The following DUS4L variants were observed in gnomAD, a reference collection of about 807,000 sequenced individuals.
The protein encoded by DUS4L is dihydrouridine synthase 4 like, also known as tRNA-dihydrouridine(20a/20b) synthase [NAD(P)+]-like.
In DUS4L, 31 loss-of-function variants were observed where a neutral mutation model predicts 33.8. The ratio of observed to expected loss-of-function variants is 0.92; its 90% CI spans 0.69 to 1.24. The LOEUF (loss-of-function observed/expected upper bound fraction) is 1.24, where lower values mean the gene tolerates loss of function less well. Among genes scored for constraint, DUS4L ranks in the 50% most tolerant of loss-of-function variants. The pLI, the probability that DUS4L is intolerant of heterozygous loss-of-function variation, is 0.00. For missense variants in DUS4L, 368 were observed against 388.6 expected, an observed-to-expected ratio of 0.95 and a Z score of 0.45; for synonymous variants, 103 against 120.3, an observed-to-expected ratio of 0.86 and a Z score of 0.94.
chr7:107,577,184 A>C, intron 7 of DUS4L, 129 bp from the exon 8 acceptor site: 1 of 1,274,028 alleles, frequency 7.8e-7, no homozygotes, highest in Non-Finnish European at 1.1e-6. Flanking sequence ...TAAACATATT[A>C]ATGCAATAAA....
At chr7:107,575,166 T>G (rs373377019) in intron 5 of DUS4L, 22 bp from the exon 6 acceptor site, 15 of 1,606,600 alleles carry the variant, frequency 9.3e-6, no homozygotes, top group Non-Finnish European at 1.3e-5. Flanking sequence ...AATTCACTTG[T>G]TCATGTGTTT....
At chr7:107,566,775 C>T (rs900264890) in intron 2 of DUS4L, among the ~76,000 whole-genome samples, 1 of 150,024 alleles carries the variant, frequency 6.7e-6, no homozygotes, top group Non-Finnish European at 1.5e-5. Flanking sequence ...TGAAAACTTA[C>T]AACATGGTAA....
chr7:107,574,295 G>T (rs1383867472), intron 5 of DUS4L, among the ~76,000 whole-genome samples: 1 of 149,356 alleles, frequency 6.7e-6, no homozygotes, highest in African/African-American at 2.5e-5. Context: ...ACTTGTTTGG[G>T]TTTAAATAAC....
intron 3 of DUS4L, among the ~76,000 whole-genome samples, chr7:107,569,234 T>C (rs1804980577): frequency 6.6e-6 from 1 of 152,158 alleles, no homozygotes; most frequent in Non-Finnish European, 1.5e-5. Flanking sequence ...AAAGGCTATC[T>C]CTCCGCTAAT....
intron 2 of DUS4L, among the ~76,000 whole-genome samples, chr7:107,565,427 G>C (rs1260950998): frequency 6.6e-6 from 1 of 152,194 alleles, no homozygotes; most frequent in Non-Finnish European, 1.5e-5. Context: ...CCTGAGCCCA[G>C]ACGTTTGGAT....
chr7:107,567,514 G>A (rs1456015710), intron 3 of DUS4L, among the ~76,000 whole-genome samples: 1 of 152,110 alleles, frequency 6.6e-6, no homozygotes, highest in African/African-American at 2.4e-5. Context: ...ACAAATAGGA[G>A]TGCAATTATG....
At chr7:107,573,099 T>C (rs1805410228) in intron 4 of DUS4L, among the ~76,000 whole-genome samples, 1 of 152,196 alleles carries the variant, frequency 6.6e-6, no homozygotes, top group Non-Finnish European at 1.5e-5. Context: ...AAACAAGAAC[T>C]TTTATCCATA....
chr7:107,572,148 C>T (rs535838702), intron 4 of DUS4L, among the ~76,000 whole-genome samples: 126 of 151,814 alleles, frequency 8.3e-4, no homozygotes, highest in African/African-American at 3.0e-3. Flanking sequence ...CCATTAGGTT[C>T]GGCCTCCTTG....
chr7:107,574,950 A>G (rs535487386), intron 5 of DUS4L: 1 of 513,594 alleles, frequency 1.9e-6, no homozygotes, highest in East Asian at 4.3e-5. Flanking sequence ...ATGACTTTTA[A>G]CTTAATATTC....
At chr7:107,574,222 C>A (rs560925014) in intron 5 of DUS4L, among the ~76,000 whole-genome samples, 3 of 152,230 alleles carry the variant, frequency 2.0e-5, no homozygotes, top group South Asian at 2.1e-4. Context: ...CATATTTCCT[C>A]CTAATTAATT....
intron 4 of DUS4L, among the ~76,000 whole-genome samples, 169 bp from the exon 5 acceptor site, chr7:107,573,535 T>C (rs1426130456): frequency 2.6e-5 from 4 of 152,282 alleles, no homozygotes; most frequent in Non-Finnish European, 5.9e-5. Context: ...GTAAATTGCT[T>C]TTAATTTTAA....
rs1358955665 is a variant in DUS4L, at chr7:107,564,090, G to T, written c.-230G>T. 89 of 1,311,500 alleles carry T rather than the reference G, an allele frequency of 6.8e-5. No individual in the cohort carries two copies. The highest frequency in any genetic ancestry group is 8.7e-5 in the Non-Finnish European group (82 of 946,396). 81.2% of individuals were successfully genotyped at this position (1,311,500 alleles called of 1,614,324 possible). ...CGAGCAGTGGGCGCCCAGGGTCCGA[G>T]TGCTCTGCGCCCAGCGCACCGAGGG... On this transcript the variant is annotated 5_prime_UTR_variant, in exon 1 of 8. Transcript: ENST00000265720.
intron 2 of DUS4L, among the ~76,000 whole-genome samples, chr7:107,566,846 A>G (rs2129188308): frequency 6.6e-6 from 1 of 152,244 alleles, no homozygotes. Flanking sequence ...TATCTTGGGT[A>G]GTTTTCCACA....
Position 107,577,699 on chromosome 7 carries a change from TG to T in DUS4L, c.*140del. ...CTGGGAGCGTTTTTTAAAAATCAGT[TG>T]TAGACACCACCCTCAGAGATTCTGA... On this transcript the variant is annotated 3_prime_UTR_variant, in exon 8 of 8. Coordinates refer to ENST00000265720, the MANE Select transcript of DUS4L (RefSeq NM_181581.3). The T allele has an allele frequency of 1.2e-6, 1 of 828,608 alleles. No individual in the cohort carries two copies. Among genetic ancestry groups the T allele is most frequent in the Non-Finnish European group, 1.8e-6 (1 of 551,182 alleles). The allele number at this position is 828,608 out of a possible 1,614,324, so 51.3% of individuals were successfully genotyped here.
intron 5 of DUS4L, 81 bp from the exon 6 acceptor site, chr7:107,575,107 C>CTTACATT: frequency 6.3e-7 from 1 of 1,584,308 alleles, no homozygotes; most frequent in Non-Finnish European, 8.6e-7. Flanking sequence ...AATGGATGCA[C>CTTACATT]TTACATTTCA....
At chr7:107,566,007 T>C (rs1049797227) in intron 2 of DUS4L, among the ~76,000 whole-genome samples, 2 of 152,232 alleles carry the variant, frequency 1.3e-5, no homozygotes, top group South Asian at 2.1e-4. Flanking sequence ...TCCTTCATAA[T>C]GGTCTCTCTC....
intron 5 of DUS4L, chr7:107,574,744 G>A (rs1475617778): frequency 4.5e-6 from 1 of 221,250 alleles, no homozygotes; most frequent in African/African-American, 2.4e-5. Context: ...ATCGAAATCA[G>A]ATTAGACATA....
At chr7:107,574,201 G>C (rs184824761) in intron 5 of DUS4L, among the ~76,000 whole-genome samples, 1 of 152,058 alleles carries the variant, frequency 6.6e-6, no homozygotes, top group Admixed American at 6.5e-5. Context: ...GTTTGACTTA[G>C]GAAATCACCA....
chr7:107,564,773 C>T (rs1237724155), intron 2 of DUS4L, 97 bp downstream of exon 2: 1 of 152,168 alleles, frequency 6.6e-6, no homozygotes, highest in East Asian at 1.9e-4. Context: ...CAGGGTCAGG[C>T]AACCACAAGT....
Sources: gnomAD v4.1 joint callset for allele counts (sites outside exome capture counted in the v4.1 genomes callset) on GRCh38, gnomAD v4.1.1 for gene constraint, MANE v1.5 for transcripts, NCBI Gene and HGNC (gene_info 2026-07-23, HGNC 2026-07-21) for gene names.